The following CSNK2A2IP variants were observed in gnomAD, a reference collection of about 807,000 sequenced individuals.
CSNK2A2IP encodes casein kinase II subunit alpha'-interacting protein.
At chr3:88,456,770 A>T in the CSNK2A2IP span, among the ~76,000 whole-genome samples, 1 of 151,424 alleles carries the variant, frequency 6.6e-6, no homozygotes, top group Non-Finnish European at 1.5e-5. Flanking sequence ...CTGTTTTAAT[A>T]CATGTGTCTT....
chr3:88,385,907 A>G, the CSNK2A2IP span, among the ~76,000 whole-genome samples: 2 of 152,242 alleles, frequency 1.3e-5, no homozygotes, highest in Non-Finnish European at 2.9e-5. Flanking sequence ...TCACATAAAT[A>G]TAAAAGTCAA....
the CSNK2A2IP span, chr3:88,466,589 C>T: frequency 8.1e-7 from 1 of 1,231,632 alleles, no homozygotes; most frequent in Non-Finnish European, 1.0e-6. Flanking sequence ...AAAGAAATTC[C>T]TTGGACTTTA....
At chr3:88,342,350 G>GT in the CSNK2A2IP span, among the ~76,000 whole-genome samples, 1 of 151,966 alleles carries the variant, frequency 6.6e-6, no homozygotes, top group African/African-American at 2.4e-5. Context: ...CAATCACTGA[G>GT]TTTTGGCCAG....
the CSNK2A2IP span, among the ~76,000 whole-genome samples, chr3:88,392,900 T>C: frequency 2.6e-5 from 4 of 152,124 alleles, no homozygotes; most frequent in Admixed American, 1.3e-4. Flanking sequence ...GGATGGAGGT[T>C]AAAAATGCAG....
chr3:88,415,756 C>T, the CSNK2A2IP span, among the ~76,000 whole-genome samples: 1 of 151,958 alleles, frequency 6.6e-6, no homozygotes, highest in Non-Finnish European at 1.5e-5. Context: ...CACAGTGGTG[C>T]ACAGAGCCTC....
the CSNK2A2IP span, among the ~76,000 whole-genome samples, chr3:88,386,274 G>A: frequency 6.6e-6 from 1 of 151,952 alleles, no homozygotes; most frequent in East Asian, 1.9e-4. Context: ...ACAGGCACCC[G>A]CCACCATGCC....
the CSNK2A2IP span, among the ~76,000 whole-genome samples, chr3:88,386,402 C>T: frequency 1.6e-4 from 24 of 152,228 alleles, no homozygotes; most frequent in South Asian, 2.1e-4. Context: ...CTGGGATTAC[C>T]GGCGTGAGCC....
chr3:88,342,531 G>A, the CSNK2A2IP span, among the ~76,000 whole-genome samples: 3 of 151,882 alleles, frequency 2.0e-5, no homozygotes, highest in South Asian at 4.1e-4. Context: ...TGAATCTGTT[G>A]TGATTCTGAG....
the CSNK2A2IP span, among the ~76,000 whole-genome samples, chr3:88,438,348 T>A: frequency 6.6e-6 from 1 of 152,186 alleles, no homozygotes; most frequent in Non-Finnish European, 1.5e-5. Flanking sequence ...GCCTCTTTTC[T>A]GACCCTTCTT....
chr3:88,448,881 C>T, the CSNK2A2IP span, among the ~76,000 whole-genome samples: 1 of 152,152 alleles, frequency 6.6e-6, no homozygotes. Context: ...TGTTATGATA[C>T]TGTTTATGAT....
At chr3:88,459,662 A>C in the CSNK2A2IP span, among the ~76,000 whole-genome samples, 1 of 152,126 alleles carries the variant, frequency 6.6e-6, no homozygotes, top group East Asian at 1.9e-4. Context: ...GCTCACATTT[A>C]ACTACCATGT....
chr3:88,344,771 A>T, the CSNK2A2IP span, among the ~76,000 whole-genome samples: 2 of 151,926 alleles, frequency 1.3e-5, no homozygotes, highest in Admixed American at 6.6e-5. Flanking sequence ...CACATTGTAA[A>T]TTATACAGTA....
At chr3:88,408,778 G>A in the CSNK2A2IP span, among the ~76,000 whole-genome samples, 1 of 151,796 alleles carries the variant, frequency 6.6e-6, no homozygotes, top group East Asian at 1.9e-4. Context: ...GCACCACACT[G>A]TGCATCTCAA....
chr3:88,384,156 T>C, the CSNK2A2IP span, among the ~76,000 whole-genome samples: 2 of 151,934 alleles, frequency 1.3e-5, no homozygotes, highest in Admixed American at 1.3e-4. Flanking sequence ...GATAGATAAG[T>C]CCCTGCCCCC....
chr3:88,414,395 G>A, the CSNK2A2IP span, among the ~76,000 whole-genome samples: 1 of 141,548 alleles, frequency 7.1e-6, no homozygotes, highest in African/African-American at 2.7e-5. Context: ...CGATACTCCT[G>A]CCTCAGCCTC....
chr3:88,409,931 G>C, the CSNK2A2IP span, among the ~76,000 whole-genome samples: 2 of 151,992 alleles, frequency 1.3e-5, no homozygotes, highest in East Asian at 3.8e-4. Context: ...CGTAACAAAT[G>C]CATCAGGGTG....
At chr3:88,390,524 A>T in the CSNK2A2IP span, among the ~76,000 whole-genome samples, 3 of 152,176 alleles carry the variant, frequency 2.0e-5, no homozygotes, top group African/African-American at 7.2e-5. Flanking sequence ...GTCTTCTCTG[A>T]GGGATGTACC....
At chr3:88,432,737 A>C in the CSNK2A2IP span, among the ~76,000 whole-genome samples, 8 of 150,832 alleles carry the variant, frequency 5.3e-5, no homozygotes, top group East Asian at 9.7e-4. Flanking sequence ...TCTTAGCAAT[A>C]ATTTAAAAAT....
At chr3:88,416,271 T>TAAAA in the CSNK2A2IP span, among the ~76,000 whole-genome samples, 1 of 118,000 alleles carries the variant, frequency 8.5e-6, no homozygotes, top group Non-Finnish European at 1.8e-5. Context: ...GACTCCCTAT[T>TAAAA]AAAAAAAAAA....
Sources: allele counts gnomAD v4.1 joint callset (sites outside exome capture counted in the v4.1 genomes callset), GRCh38; gene constraint gnomAD v4.1.1; transcripts MANE v1.5; gene names NCBI Gene and HGNC (gene_info 2026-07-23, HGNC 2026-07-21).